The following CDH26 variants were observed in gnomAD, a reference collection of about 807,000 sequenced individuals.
CDH26 encodes the protein cadherin-like protein 26.
CDH26 carries 83 observed loss-of-function variants against 90.3 expected under a neutral mutation model. The observed-to-expected ratio is 0.92, with a 90% CI of 0.77 to 1.10. The LOEUF (loss-of-function observed/expected upper bound fraction) is 1.10. Among genes scored for constraint, CDH26 ranks in the 50% least tolerant of loss-of-function variants. CDH26 has a pLI of 0.00. For synonymous variants in CDH26, 397 were observed against 396.3 expected, an observed-to-expected ratio of 1.00 and a Z score of -0.02; for missense variants, 1,013 against 1,037.6, an observed-to-expected ratio of 0.98 and a Z score of 0.33.
At chr20:60,025,617 C>T (rs1056813114) in intron 7 of CDH26, among the ~76,000 whole-genome samples, 22 of 152,174 alleles carry the variant, frequency 1.4e-4, no homozygotes, top group African/African-American at 4.6e-4. Flanking sequence ...CAGATGAACT[C>T]GTTACCTGAG....
chr20:60,006,135 G>A (rs1376837990), intron 16 of CDH26, among the ~76,000 whole-genome samples: 1 of 152,182 alleles, frequency 6.6e-6, no homozygotes, highest in East Asian at 1.9e-4. Context: ...TCGACAGTGA[G>A]GCCCCAGGTG....
chr20:59,989,225 G>A, intron 9 of CDH26, 62 bp downstream of exon 9: 1 of 1,592,700 alleles, frequency 6.3e-7, no homozygotes, highest in Middle Eastern at 1.8e-4. Context: ...AACCAAGAGG[G>A]CTCCTGTTAG....
intron 8 of CDH26, among the ~76,000 whole-genome samples, chr20:59,988,399 A>G (rs2061484293): frequency 6.6e-6 from 1 of 152,116 alleles, no homozygotes; most frequent in Non-Finnish European, 1.5e-5. Context: ...TGCCCATTTG[A>G]CCAGCTCCCA....
chr20:59,966,231 TAA>T (rs60088029), intron 1 of CDH26, among the ~76,000 whole-genome samples: 40 of 76,260 alleles, frequency 5.2e-4, no homozygotes, highest in East Asian at 3.8e-3. Flanking sequence ...GGTGTTGCAT[TAA>T]AAAAAAAAAA....
chr20:59,999,625 A>T lies in CDH26; in HGVS notation c.2059A>T (p.Ile687Phe), dbSNP rs1237530412. The T allele has an allele frequency of 5.6e-6, 9 of 1,614,088 alleles. No homozygotes were observed. Among genetic ancestry groups the T allele is most frequent in the Admixed American group, 1.7e-5 (1 of 60,010 alleles). The change falls in exon 14 of 18, where the codon ATC becomes TTC. Residue 687 changes from isoleucine to phenylalanine, a missense_variant. By Grantham distance (21) the Ile-to-Phe change is conservative. Coordinates refer to ENST00000348616, the MANE Select transcript of CDH26 (RefSeq NM_177980.4). The part of the protein sequence containing the change: ...DVEGQRPALL[I>F]CTAAAGPTQG... The stretch of plus-strand genomic sequence containing the variant: ...TGAAGGCCAGAGGCCGGCTCTGCTC[A>T]TCTGCACAGCTGCAGCAGGACCCAC...
chr20:59,988,072 C>T (rs1015395183), intron 8 of CDH26, among the ~76,000 whole-genome samples: 2 of 152,184 alleles, frequency 1.3e-5, no homozygotes, highest in African/African-American at 4.8e-5. Flanking sequence ...ATCTGTGTGG[C>T]TCCAAGAGTA....
At chr20:59,976,598 A>T (rs1055209743) in intron 4 of CDH26, among the ~76,000 whole-genome samples, 4 of 152,148 alleles carry the variant, frequency 2.6e-5, no homozygotes, top group African/African-American at 9.7e-5. Flanking sequence ...TATGGAGGAG[A>T]ATGTAGAGAT....
Position 59,972,012 on chromosome 20 carries a change from A to T in CDH26, c.282A>T (p.Gly94=), listed in dbSNP as rs1370634699. 1.9e-6 allele frequency: 3 copies of T among 1,613,806 alleles called. No homozygotes were observed. Among genetic ancestry groups the T allele is most frequent in the Admixed American group, 1.7e-5 (1 of 60,018 alleles). ...TGTCACTAATGTATCTAATCAGTGG[A>T]CCTGGTGTGGATGAATATCCAGAGA... The part of the protein sequence containing the change: ...YNMSLMYLIS[G]PGVDEYPEIG... Residue 94 remains glycine (G), a synonymous_variant, in exon 4 of 18, where the codon GGA becomes GGT. Coordinates refer to ENST00000348616, the MANE Select transcript of CDH26 (RefSeq NM_177980.4).
chr20:60,015,614 A>AC (rs113128887), downstream of CDH26, among the ~76,000 whole-genome samples: 136,343 of 151,896 alleles, frequency 0.9, 61,332 homozygotes, highest in Non-Finnish European at 0.91. Flanking sequence ...CTGTGCAGAA[A>AC]ATTTTTCGTT....
At chr20:60,001,628 T>C in intron 15 of CDH26, 1 of 984,978 alleles carries the variant, frequency 1.0e-6, no homozygotes, top group Non-Finnish European at 1.2e-6. Flanking sequence ...TTTAGAGTTG[T>C]TTGATAATCC....
At chr20:59,974,328 C>T (rs2061301132) in intron 4 of CDH26, among the ~76,000 whole-genome samples, 1 of 152,122 alleles carries the variant, frequency 6.6e-6, no homozygotes, top group South Asian at 2.1e-4. Flanking sequence ...AGTAAACAGA[C>T]AACCTGCAGA....
intron 14 of CDH26, among the ~76,000 whole-genome samples, chr20:60,000,429 G>A (rs1383660928): frequency 1.3e-5 from 2 of 152,200 alleles, no homozygotes; most frequent in East Asian, 1.9e-4. Flanking sequence ...TGGGTTCGCC[G>A]TGCATTCTGA....
intron 13 of CDH26, among the ~76,000 whole-genome samples, chr20:59,998,879 T>G (rs763549476): frequency 3.8e-4 from 58 of 152,328 alleles, no homozygotes; most frequent in Non-Finnish European, 7.6e-4. Context: ...AATTACTGAT[T>G]ATATCTCTGT....
chr20:59,962,163 T>TG (rs1334041918), intron 1 of CDH26, among the ~76,000 whole-genome samples: 4 of 151,974 alleles, frequency 2.6e-5, no homozygotes, highest in African/African-American at 9.7e-5. Flanking sequence ...GTAAAAACAC[T>TG]GGGGGGAAAG....
downstream of CDH26, among the ~76,000 whole-genome samples, chr20:60,018,785 C>T (rs1411528298): frequency 4.8e-5 from 4 of 83,022 alleles, no homozygotes; most frequent in East Asian, 3.5e-4. Flanking sequence ...CTTTTTTTCC[C>T]CTTTGTTTTT....
At chr20:59,976,046 C>T (rs775988205) in intron 4 of CDH26, among the ~76,000 whole-genome samples, 2 of 152,080 alleles carry the variant, frequency 1.3e-5, no homozygotes, top group Non-Finnish European at 2.9e-5. Context: ...TACAAAGCTA[C>T]CCCAAAACCC....
At chr20:59,970,502 ATAT>A (rs1447919687) in intron 3 of CDH26, among the ~76,000 whole-genome samples, 1 of 150,880 alleles carries the variant, frequency 6.6e-6, no homozygotes, top group African/African-American at 2.4e-5. Context: ...TTTTTTTTAA[ATAT>A]TATTTAAAAA....
intron 7 of CDH26, among the ~76,000 whole-genome samples, chr20:60,021,869 C>CACACACACACACACACACACAT (rs2061957235): frequency 9.7e-5 from 10 of 102,950 alleles, no homozygotes; most frequent in African/African-American, 2.2e-4. Flanking sequence ...CACACACACA[C>CACACACACACACACACACACAT]ACACACACAC....
At chr20:59,987,156 G>GA (rs1242739282) in intron 7 of CDH26, among the ~76,000 whole-genome samples, 1 of 152,056 alleles carries the variant, frequency 6.6e-6, no homozygotes, top group Non-Finnish European at 1.5e-5. Flanking sequence ...AAAATTCTTA[G>GA]AAAAAATAGG....
Sources: gnomAD v4.1 joint callset for allele counts (sites outside exome capture counted in the v4.1 genomes callset) on GRCh38, gnomAD v4.1.1 for gene constraint, MANE v1.5 for transcripts, NCBI Gene and HGNC (gene_info 2026-07-23, HGNC 2026-07-21) for gene names.